Variants in C10orf67 observed in about 807,000 individuals in gnomAD.
C10orf67 encodes the protein uncharacterized protein C10orf67, mitochondrial.
A neutral mutation model predicts 35.6 loss-of-function variants in C10orf67; 60 were observed. That is an observed-to-expected ratio of 1.68 (90% CI 1.37 to 2.09). C10orf67 has a LOEUF of 2.09. Ranked by LOEUF, C10orf67 falls within the 30% of genes most tolerant of loss-of-function variation. The pLI is 0.00. For synonymous variants in C10orf67, 167 were observed against 115.8 expected (o/e 1.44, Z -2.84); for missense variants, 474 against 330.2 (o/e 1.44, Z -3.38).
intron 3 of C10orf67, among the ~76,000 whole-genome samples, chr10:23,322,126 T>C (rs987987190): frequency 6.6e-6 from 1 of 152,226 alleles, no homozygotes; most frequent in Non-Finnish European, 1.5e-5. Flanking sequence ...TAATTAGCCT[T>C]TCTGTGCCTC....
At chr10:23,258,089 T>C (rs1588623369) in intron 10 of C10orf67, 1 of 152,298 alleles carries the variant, frequency 6.6e-6, no homozygotes, top group Admixed American at 6.5e-5. Flanking sequence ...GGCTGGATGG[T>C]GCCAGCCACG....
intron 7 of C10orf67, among the ~76,000 whole-genome samples, chr10:23,284,878 G>A (rs999753339): frequency 2.6e-5 from 4 of 152,164 alleles, no homozygotes; most frequent in Non-Finnish European, 5.9e-5. Context: ...ACTGCCCTGT[G>A]GTTTTGGTCT....
chr10:23,239,937 A>G (rs533923131), intron 12 of C10orf67, 121 bp from the exon 13 acceptor site: 4 of 455,750 alleles, frequency 8.8e-6, no homozygotes, highest in Non-Finnish European at 1.6e-5. Flanking sequence ...AAATAAAAAT[A>G]TAAAAATATT....
chr10:23,320,969 G>T (rs538916747), intron 3 of C10orf67, among the ~76,000 whole-genome samples, 154 bp from the exon 4 acceptor site: 3 of 152,034 alleles, frequency 2.0e-5, no homozygotes, highest in African/African-American at 7.3e-5. Flanking sequence ...CCCTGCAGCC[G>T]TTATGACACA....
intron 15 of C10orf67, among the ~76,000 whole-genome samples, chr10:23,209,515 A>G (rs1011215189): frequency 1.3e-5 from 2 of 152,208 alleles, no homozygotes; most frequent in Non-Finnish European, 2.9e-5. Flanking sequence ...AAATTTGCTA[A>G]GAGGGTAGGT....
chr10:23,210,701 G>T (rs1347934693), intron 15 of C10orf67, among the ~76,000 whole-genome samples: 1 of 152,124 alleles, frequency 6.6e-6, no homozygotes, highest in Non-Finnish European at 1.5e-5. Flanking sequence ...AGGATTACAG[G>T]TGTGAGCCAC....
intron 10 of C10orf67, 127 bp from the exon 11 acceptor site, chr10:23,250,818 C>T (rs1052097662): frequency 4.6e-5 from 18 of 392,834 alleles, no homozygotes; most frequent in African/African-American, 2.1e-4. Context: ...TAATTTGAGG[C>T]GGGGCACGGT....
intron 7 of C10orf67, among the ~76,000 whole-genome samples, chr10:23,282,880 G>C (rs1379103367): frequency 2.0e-5 from 3 of 151,906 alleles, no homozygotes; most frequent in Admixed American, 1.3e-4. Flanking sequence ...TTGAACTTAC[G>C]GAGATAGAGA....
intron 10 of C10orf67, among the ~76,000 whole-genome samples, chr10:23,257,384 T>A (rs1842630068): frequency 6.6e-6 from 1 of 152,166 alleles, no homozygotes; most frequent in Non-Finnish European, 1.5e-5. Flanking sequence ...GATAAGAGCA[T>A]AGAGGCAGAT....
chr10:23,294,861 T>C (rs563145567), intron 5 of C10orf67, among the ~76,000 whole-genome samples: 1 of 152,196 alleles, frequency 6.6e-6, no homozygotes, highest in East Asian at 1.9e-4. Context: ...TTGAATCAGA[T>C]GAAATTTCAA....
chr10:23,316,115 C>A (rs1004321783), intron 4 of C10orf67, among the ~76,000 whole-genome samples: 4 of 152,216 alleles, frequency 2.6e-5, no homozygotes, highest in African/African-American at 9.7e-5. Context: ...CTCATACTAC[C>A]AGCCTGGATC....
chr10:23,336,242 T>C (rs1805623198), intron 1 of C10orf67, among the ~76,000 whole-genome samples: 1 of 152,084 alleles, frequency 6.6e-6, no homozygotes, highest in African/African-American at 2.4e-5. Flanking sequence ...AGGGAAAGAG[T>C]AGACTAGAAA....
intron 13 of C10orf67, among the ~76,000 whole-genome samples, chr10:23,229,968 T>C (rs1159337989): frequency 1.5e-4 from 23 of 152,160 alleles, no homozygotes; most frequent in Admixed American, 1.5e-3. Context: ...TTTGTTTCTT[T>C]TGTTTTGTTT....
chr10:23,339,890 T>A (rs10741026), intron 1 of C10orf67, among the ~76,000 whole-genome samples: 20,851 of 152,176 alleles, frequency 0.14, 2,527 homozygotes, highest in East Asian at 0.63. Flanking sequence ...TAAACAGCCA[T>A]GGGAACTAAT....
chr10:23,202,266 G>A (rs1380163795), downstream of C10orf67: 1 of 152,188 alleles, frequency 6.6e-6, no homozygotes, highest in East Asian at 1.9e-4. Flanking sequence ...TTTGTTCCGC[G>A]GCAGAAAGTC....
At chr10:23,207,374 G>A (rs1311644718) in intron 15 of C10orf67, among the ~76,000 whole-genome samples, 2 of 152,170 alleles carry the variant, frequency 1.3e-5, no homozygotes, top group Non-Finnish European at 2.9e-5. Flanking sequence ...TAATTTTTTA[G>A]AATGACGCTG....
In C10orf67 at chr10:23,249,765, G is replaced by A. The variant is rs192882642; in HGVS notation, c.1346+690C>T. Among the ~76,000 whole-genome samples, 656 of 152,260 alleles carry A rather than the reference G, an allele frequency of 4.3e-3. 22 individuals are homozygous for A. Among genetic ancestry groups the A allele is most frequent in the Admixed American group, 0.039 (595 of 15,294 alleles). On this transcript the variant is annotated intron_variant, in intron 12 of 15. Transcript: ENST00000636213. The stretch of plus-strand genomic sequence containing the variant: ...ATCAGACCAACATTAAACCCATCGT[G>A]CCTGGATGATGCTTGACTGTGAAAG...
chr10:23,322,570 A>G (rs1845001383), intron 2 of C10orf67, 33 bp from the exon 3 acceptor site: 1 of 1,447,666 alleles, frequency 6.9e-7, no homozygotes, highest in African/African-American at 1.4e-5. Flanking sequence ...TTAGCGAAGT[A>G]ACACAGGAAC....
chr10:23,259,043 G>A (rs1177786997), intron 10 of C10orf67, among the ~76,000 whole-genome samples: 4 of 152,122 alleles, frequency 2.6e-5, no homozygotes, highest in Non-Finnish European at 4.4e-5. Flanking sequence ...AGTGGAAAAC[G>A]ATGGTAAAAT....
Sources: allele counts gnomAD v4.1 joint callset (sites outside exome capture counted in the v4.1 genomes callset), GRCh38; gene constraint gnomAD v4.1.1; transcripts MANE v1.5; gene names NCBI Gene and HGNC (gene_info 2026-07-23, HGNC 2026-07-21).